The following NRCAM variants were observed in gnomAD, a reference collection of about 807,000 sequenced individuals.
NRCAM encodes NgCAM-related cell adhesion molecule.
In NRCAM, 83 loss-of-function variants were observed where a neutral mutation model predicts 156.5. That is an observed-to-expected ratio of 0.53 (90% confidence interval 0.44 to 0.64). The LOEUF is 0.64. NRCAM is among the 30% of genes least tolerant of loss of function. NRCAM has a pLI of 0.00. For missense variants in NRCAM, 1,417 were observed against 1,597.3 expected, an observed-to-expected ratio of 0.89 and a Z score of 1.92; for synonymous variants, 538 against 563.9, an observed-to-expected ratio of 0.95 and a Z score of 0.65.
intron 6 of NRCAM, among the ~76,000 whole-genome samples, chr7:108,232,997 G>A (rs560418190): frequency 6.6e-6 from 1 of 152,190 alleles, no homozygotes; most frequent in Non-Finnish European, 1.5e-5. Context: ...AAATTGTGAA[G>A]TGTAGGTTGG....
At chr7:108,278,989 A>T (rs1479469118) in intron 3 of NRCAM, among the ~76,000 whole-genome samples, 1 of 152,224 alleles carries the variant, frequency 6.6e-6, no homozygotes, top group Non-Finnish European at 1.5e-5. Context: ...AGGCTTGAAG[A>T]GTAGCAGTGT....
intron 2 of NRCAM, among the ~76,000 whole-genome samples, chr7:108,322,687 A>C (rs1221156749): frequency 6.6e-6 from 1 of 152,194 alleles, no homozygotes; most frequent in Non-Finnish European, 1.5e-5. Flanking sequence ...CAATATCAAA[A>C]TGGCTTTGGG....
At chr7:108,357,566 G>A (rs1158472728) in intron 2 of NRCAM, among the ~76,000 whole-genome samples, 2 of 152,022 alleles carry the variant, frequency 1.3e-5, no homozygotes, top group East Asian at 1.9e-4. Context: ...CCTAACCTCA[G>A]GTGATCCACC....
chr7:108,254,086 T>C (rs2096509790), intron 3 of NRCAM, among the ~76,000 whole-genome samples: 2 of 152,190 alleles, frequency 1.3e-5, no homozygotes, highest in South Asian at 2.1e-4. Flanking sequence ...CAACCTTAGT[T>C]AGGTAAATTT....
At chr7:108,329,892 GA>G (rs1266215863) in intron 2 of NRCAM, among the ~76,000 whole-genome samples, 2 of 152,094 alleles carry the variant, frequency 1.3e-5, no homozygotes, top group Non-Finnish European at 2.9e-5. Flanking sequence ...TTGAAAAATG[GA>G]AATCATTTTC....
chr7:108,194,082 T>C lies in NRCAM; in HGVS notation c.1720A>G (p.Thr574Ala), dbSNP rs758118780. ...SFECKVKHDH[T>A]LSLTVLWLKD... ...AGCCACAGGACAGTGAGGGATAAGG[T>C]GTGATCATGTTTCACTTTGCATTCA... The change falls in exon 17 of 33, where the codon ACC becomes GCC. Residue 574 changes from threonine to alanine, a missense_variant. By Grantham distance (58) the Thr-to-Ala change is moderately conservative. This residue lies in a region of NRCAM where 1,238 missense variants were observed against 1,336.4 expected (regional missense o/e 0.93). Transcript: ENST00000379028. The C allele has an allele frequency of 6.2e-7, 1 of 1,614,142 alleles. No individual in the cohort carries two copies. Among genetic ancestry groups the C allele is most frequent in the Non-Finnish European group, 8.5e-7 (1 of 1,179,980 alleles).
At chr7:108,150,289 A>G in intron 32 of NRCAM, 142 bp from the exon 33 acceptor site, 1 of 711,168 alleles carries the variant, frequency 1.4e-6, no homozygotes, top group Non-Finnish European at 2.4e-6. Context: ...GTTGACTCCA[A>G]TGACGAGGAT....
chr7:108,368,225 C>CT (rs1554569321), intron 2 of NRCAM, among the ~76,000 whole-genome samples: 2 of 8,692 alleles, frequency 2.3e-4, no homozygotes, highest in Admixed American at 4.0e-3. Flanking sequence ...CACTTTCATA[C>CT]CCCCCCCCAC....
intron 2 of NRCAM, among the ~76,000 whole-genome samples, chr7:108,379,170 A>G (rs1019945948): frequency 1.3e-5 from 2 of 152,236 alleles, no homozygotes; most frequent in African/African-American, 4.8e-5. Flanking sequence ...CAGTAGAACA[A>G]GAGATCAAGG....
At chr7:108,273,341 T>C (rs1238577187) in intron 3 of NRCAM, among the ~76,000 whole-genome samples, 1 of 152,222 alleles carries the variant, frequency 6.6e-6, no homozygotes, top group African/African-American at 2.4e-5. Flanking sequence ...CCACAATGGT[T>C]GAACTAGTTT....
Position 108,335,143 on chromosome 7 carries a change from C to G in NRCAM, c.-173-22412G>C, listed in dbSNP as rs2099166369. Among the ~76,000 whole-genome samples, 3 of 152,156 alleles carry G rather than the reference C, an allele frequency of 2.0e-5. No individual in the cohort carries two copies. In the South Asian group the frequency reaches 6.2e-4, roughly 32 times the overall value. On this transcript the variant is annotated intron_variant, in intron 2 of 32. Coordinates refer to ENST00000379028, the MANE Select transcript of NRCAM (RefSeq NM_001037132.4). The stretch of plus-strand genomic sequence containing the variant: ...GCCACAGAGCAAGAAAATTATGGAG[C>G]TGGAATTTGTTAGTATATGTAGTGT...
Position 108,167,021 on chromosome 7 carries a change from C to A in NRCAM, c.3366G>T (p.Gly1122=). Residue 1122 remains glycine, a synonymous_variant, in exon 30 of 33, where the codon GGG becomes GGT. Coordinates refer to ENST00000379028, the MANE Select transcript of NRCAM (RefSeq NM_001037132.4). ...EIVNGSRSFF[G]LKGLMPGTAY... is the part of the protein sequence containing the mutation. ...CTGTTCCTGGCATTAGACCCTTTAA[C>A]CCAAAGAAGCTCCGAGAACCATTTA... 3 of 1,613,938 alleles carry A rather than the reference C, an allele frequency of 1.9e-6. No homozygotes were observed. The highest frequency in any genetic ancestry group is 2.5e-6 in the Non-Finnish European group (3 of 1,179,838).
intron 3 of NRCAM, among the ~76,000 whole-genome samples, chr7:108,310,827 A>T (rs2098792888): frequency 6.6e-6 from 1 of 152,218 alleles, no homozygotes; most frequent in Admixed American, 6.5e-5. Flanking sequence ...CCTGACAACT[A>T]AAAGCTCTCT....
intron 3 of NRCAM, among the ~76,000 whole-genome samples, chr7:108,301,856 C>T (rs1395548133): frequency 6.6e-6 from 1 of 151,600 alleles, no homozygotes; most frequent in Non-Finnish European, 1.5e-5. Context: ...ATACGAATTC[C>T]CTCTGAGGCC....
chr7:108,288,094 G>A (rs751043222), intron 3 of NRCAM, among the ~76,000 whole-genome samples: 1 of 152,094 alleles, frequency 6.6e-6, no homozygotes, highest in Non-Finnish European at 1.5e-5. Flanking sequence ...GCAGCAGAAT[G>A]GATTGAACTA....
intron 2 of NRCAM, chr7:108,328,413 G>C (rs2099092698): frequency 6.6e-6 from 1 of 152,164 alleles, no homozygotes; most frequent in Non-Finnish European, 1.5e-5. Context: ...AACAAGCACA[G>C]ATATTACCTT....
chr7:108,348,491 G>A (rs2099386409), intron 2 of NRCAM, among the ~76,000 whole-genome samples: 1 of 152,196 alleles, frequency 6.6e-6, no homozygotes, highest in South Asian at 2.1e-4. Flanking sequence ...CAGGATAAAA[G>A]GAGTATTTTA....
chr7:108,213,090 T>G (rs1242251681), intron 11 of NRCAM, among the ~76,000 whole-genome samples: 4 of 152,224 alleles, frequency 2.6e-5, no homozygotes, highest in Non-Finnish European at 5.9e-5. Flanking sequence ...GGCCCTATCT[T>G]CAGCCTCCAC....
intron 1 of NRCAM, among the ~76,000 whole-genome samples, chr7:108,412,074 G>C (rs1597009228): frequency 6.6e-6 from 1 of 151,930 alleles, no homozygotes; most frequent in East Asian, 1.9e-4. Flanking sequence ...CTTCCAAAAA[G>C]GCTATTATGA....
Sources: gnomAD v4.1 joint callset for allele counts (sites outside exome capture counted in the v4.1 genomes callset) on GRCh38, gnomAD v4.1.1 for gene constraint, gnomAD v4.1.1 regional missense constraint, MANE v1.5 for transcripts, NCBI Gene and HGNC (gene_info 2026-07-23, HGNC 2026-07-21) for gene names.